RABGAP1L: variants seen among roughly 807,000 people sequenced by gnomAD.
RABGAP1L encodes the protein RAB GTPase activating protein 1 like.
RABGAP1L carries 63 observed loss-of-function variants against 137.7 expected under a neutral mutation model. The observed-to-expected ratio is 0.46, with a 90% confidence interval of 0.37 to 0.56. The LOEUF (loss-of-function observed/expected upper bound fraction) is 0.56. RABGAP1L is among the 20% of genes least tolerant of loss of function. RABGAP1L has a pLI of 0.00. For missense variants in RABGAP1L, 1,095 were observed against 1,244.0 expected (o/e 0.88, Z 1.80); for synonymous variants, 431 against 433.7 (o/e 0.99, Z 0.08).
At chr1:174,749,936 C>A (rs1684212110) in intron 17 of RABGAP1L, among the ~76,000 whole-genome samples, 1 of 151,914 alleles carries the variant, frequency 6.6e-6, no homozygotes, top group African/African-American at 2.4e-5. Context: ...GGAGTGCGAT[C>A]TCGGCTCATT....
chr1:174,596,156 G>T (rs548644131), intron 13 of RABGAP1L, among the ~76,000 whole-genome samples: 1 of 139,998 alleles, frequency 7.1e-6, no homozygotes, highest in South Asian at 2.3e-4. Context: ...ACTCGGAAAG[G>T]GAACTCCCTG....
chr1:174,536,572 A>G (rs994516088), intron 13 of RABGAP1L, among the ~76,000 whole-genome samples: 4 of 152,176 alleles, frequency 2.6e-5, no homozygotes, highest in African/African-American at 9.6e-5. Context: ...ACAAGCAATA[A>G]TAGCTTTAAC....
In RABGAP1L at chr1:174,977,254, T is replaced by G. The variant is rs989509950; in HGVS notation, c.2649+1072T>G. Among the ~76,000 whole-genome samples the G allele has an allele frequency of 5.3e-5, 8 of 152,354 alleles. No individual in the cohort carries two copies. In the South Asian group the frequency reaches 1.4e-3, roughly 28 times the overall value. ...TCCTTGGAATCTGATTTAATGAGTC[T>G]TTGGCATTTACAGCGGCCCAGGATA... On this transcript the variant is annotated intron_variant, in intron 22 of 25. Transcript: ENST00000681986.
chr1:174,330,900 A>G (rs1680973532), intron 11 of RABGAP1L, among the ~76,000 whole-genome samples: 1 of 152,222 alleles, frequency 6.6e-6, no homozygotes, highest in Non-Finnish European at 1.5e-5. Flanking sequence ...AGCAAAAAGA[A>G]CAAAGCTGGA....
At chr1:174,832,571 A>G (rs1036328890) in intron 19 of RABGAP1L, among the ~76,000 whole-genome samples, 1 of 147,926 alleles carries the variant, frequency 6.8e-6, no homozygotes, top group East Asian at 2.1e-4. Context: ...ACTAAGTGCT[A>G]TGAGCATGTT....
chr1:174,168,729 ATATTACTGT>A (rs1665112678), intron 1 of RABGAP1L, among the ~76,000 whole-genome samples: 1 of 152,374 alleles, frequency 6.6e-6, no homozygotes, highest in East Asian at 1.9e-4. Flanking sequence ...ATGAAATTAA[ATATTACTGT>A]TATTCAAATC....
At chr1:174,567,344 T>C (rs1415896468) in intron 13 of RABGAP1L, among the ~76,000 whole-genome samples, 1 of 152,222 alleles carries the variant, frequency 6.6e-6, no homozygotes, top group Non-Finnish European at 1.5e-5. Flanking sequence ...GTGGCATATG[T>C]CAAAATTTAA....
intron 14 of RABGAP1L, among the ~76,000 whole-genome samples, chr1:174,641,266 T>G (rs1436547341): frequency 6.6e-6 from 1 of 152,034 alleles, no homozygotes; most frequent in Admixed American, 6.6e-5. Flanking sequence ...AACTGTCACA[T>G]TAGAGGGAAG....
intron 13 of RABGAP1L, among the ~76,000 whole-genome samples, chr1:174,599,511 T>C (rs993158847): frequency 6.6e-6 from 1 of 152,244 alleles, no homozygotes; most frequent in Middle Eastern, 3.2e-3. Flanking sequence ...TTAGCTTTTC[T>C]TGTAGGATAG....
intron 12 of RABGAP1L, among the ~76,000 whole-genome samples, chr1:174,377,416 C>A (rs1248636730): frequency 2.0e-5 from 3 of 152,162 alleles, no homozygotes; most frequent in Middle Eastern, 3.4e-3. Context: ...AAGTGAAGAA[C>A]ACAATGGAAA....
intron 19 of RABGAP1L, among the ~76,000 whole-genome samples, chr1:174,913,215 A>C (rs1215709883): frequency 6.6e-6 from 1 of 152,150 alleles, no homozygotes; most frequent in Non-Finnish European, 1.5e-5. Context: ...ACCTCAAGTG[A>C]TCTGCCCACC....
intron 13 of RABGAP1L, among the ~76,000 whole-genome samples, chr1:174,489,589 A>T (rs1660021382): frequency 6.6e-6 from 1 of 151,814 alleles, no homozygotes; most frequent in Non-Finnish European, 1.5e-5. Context: ...TGGGACTGTA[A>T]ACTAGTTCAA....
At chr1:174,239,982 A>ATAT (rs1225520574) in intron 4 of RABGAP1L, among the ~76,000 whole-genome samples, 1 of 152,246 alleles carries the variant, frequency 6.6e-6, no homozygotes, top group Non-Finnish European at 1.5e-5. Context: ...AAGGGTTTGC[A>ATAT]TGTATATTGT....
chr1:174,547,371 C>T (rs1666105041), intron 13 of RABGAP1L, among the ~76,000 whole-genome samples: 1 of 152,074 alleles, frequency 6.6e-6, no homozygotes, highest in African/African-American at 2.4e-5. Context: ...AATCCTGGTA[C>T]TTTGGAAGGC....
At chr1:174,182,357 T>C (rs1666445817) in intron 1 of RABGAP1L, among the ~76,000 whole-genome samples, 2 of 152,216 alleles carry the variant, frequency 1.3e-5, no homozygotes, top group Non-Finnish European at 1.5e-5. Flanking sequence ...CTTAATAGTT[T>C]TCAAGCTTGT....
intron 10 of RABGAP1L, among the ~76,000 whole-genome samples, chr1:174,299,263 G>A (rs1414003637): frequency 6.6e-6 from 1 of 152,206 alleles, no homozygotes; most frequent in African/African-American, 2.4e-5. Context: ...ACACTTGTGA[G>A]TTGGGTGATT....
chr1:174,787,008 C>T lies in RABGAP1L; in HGVS notation c.2212-24824C>T, dbSNP rs555981423. ...TTCACTGGGAAGTAGGGGAGACAGA[C>T]GTGCCTACAAATAATTGTCGTAGAA... On this transcript the variant is annotated intron_variant, in intron 18 of 25. Transcript: ENST00000681986. 1.7e-4 allele frequency among the ~76,000 whole-genome samples: 26 copies of T among 152,152 alleles called. No individual in the cohort carries two copies. In the Middle Eastern group the frequency reaches 0.017, roughly 100 times the overall value.
chr1:174,179,006 A>C (rs1268332725), intron 1 of RABGAP1L, among the ~76,000 whole-genome samples: 1 of 151,800 alleles, frequency 6.6e-6, no homozygotes, highest in African/African-American at 2.4e-5. Context: ...AAACAAACAA[A>C]AACAAAACAA....
chr1:174,658,243 A>G (rs531829258), intron 14 of RABGAP1L, among the ~76,000 whole-genome samples: 1 of 152,124 alleles, frequency 6.6e-6, no homozygotes, highest in East Asian at 1.9e-4. Context: ...GATTCTGATT[A>G]TTTTTGTGAT....
Sources: gnomAD v4.1 joint callset for allele counts (sites outside exome capture counted in the v4.1 genomes callset) on GRCh38, gnomAD v4.1.1 for gene constraint, MANE v1.5 for transcripts, NCBI Gene and HGNC (gene_info 2026-07-23, HGNC 2026-07-21) for gene names.